The following PDE4D variants were observed in gnomAD, a reference collection of about 807,000 sequenced individuals.
PDE4D encodes the protein phosphodiesterase 4D.
Under a neutral mutation model 87.4 loss-of-function variants are expected in PDE4D, and 24 were observed. That is an observed-to-expected ratio of 0.27 (90% confidence interval 0.20 to 0.39). PDE4D has a LOEUF of 0.39. Among genes scored for constraint, PDE4D ranks in the 10% least tolerant of loss-of-function variants. The pLI is 1.00. For missense variants in PDE4D, 714 were observed against 1,041.0 expected (o/e 0.69, Z 4.32); for synonymous variants, 384 against 383.2 (o/e 1.00, Z -0.02).
chr5:59,945,764 T>C (rs1337795474), intron 3 of PDE4D, among the ~76,000 whole-genome samples: 2 of 152,180 alleles, frequency 1.3e-5, no homozygotes, highest in African/African-American at 4.8e-5. Context: ...AAAGGTGACA[T>C]TGGAAAATGC....
At chr5:59,061,828 G>C in intron 5 of PDE4D, among the ~76,000 whole-genome samples, 1 of 152,220 alleles carries the variant, frequency 6.6e-6, no homozygotes, top group African/African-American at 2.4e-5. Context: ...TCAATTATCT[G>C]TTCACAGCAG....
At chr5:59,366,773 GA>G (rs201124491) in intron 1 of PDE4D, among the ~76,000 whole-genome samples, 4,104 of 152,098 alleles carry the variant, frequency 0.027, 106 homozygotes, top group Admixed American at 0.074. Flanking sequence ...TTCTATAAAT[GA>G]AAAAAATTCA....
At chr5:60,404,161 C>CTTTTTTTTTTTTTTTTTTTTTTTT in intron 1 of PDE4D, among the ~76,000 whole-genome samples, 1 of 119,396 alleles carries the variant, frequency 8.4e-6, no homozygotes, top group Non-Finnish European at 1.7e-5. Flanking sequence ...TCAGCCAATT[C>CTTTTTTTTTTTTTTTTTTTTTTTT]TTTTTTTTTT....
At chr5:60,120,834 A>AT (rs1396686864) in intron 2 of PDE4D, among the ~76,000 whole-genome samples, 1 of 152,086 alleles carries the variant, frequency 6.6e-6, no homozygotes, top group Non-Finnish European at 1.5e-5. Context: ...ACTTGATTAG[A>AT]TTGAAGGATG....
At chr5:59,080,358 C>A (rs954823598) in intron 5 of PDE4D, among the ~76,000 whole-genome samples, 3 of 152,170 alleles carry the variant, frequency 2.0e-5, no homozygotes, top group Admixed American at 6.5e-5. Flanking sequence ...AACAGTCCCA[C>A]GAAGAATCGT....
intron 2 of PDE4D, among the ~76,000 whole-genome samples, chr5:60,110,829 A>T (rs1777600000): frequency 6.6e-6 from 1 of 152,148 alleles, no homozygotes; most frequent in Non-Finnish European, 1.5e-5. Context: ...CCACAAAAAG[A>T]TAATGAAATC....
intron 6 of PDE4D, among the ~76,000 whole-genome samples, chr5:59,031,415 T>TATATAA (rs1757472591): frequency 2.1e-5 from 2 of 93,536 alleles, no homozygotes; most frequent in African/African-American, 8.0e-5. Flanking sequence ...TATATATATA[T>TATATAA]AGATTATACA....
intron 3 of PDE4D, among the ~76,000 whole-genome samples, chr5:59,935,502 C>T (rs1016575056): frequency 2.6e-5 from 4 of 152,000 alleles, no homozygotes; most frequent in Non-Finnish European, 4.4e-5. Context: ...AGAAATGAAC[C>T]GAAGCATTTT....
intron 1 of PDE4D, among the ~76,000 whole-genome samples, chr5:59,413,462 A>C (rs1489314275): frequency 6.7e-6 from 1 of 149,210 alleles, no homozygotes; most frequent in Non-Finnish European, 1.5e-5. Flanking sequence ...CATCTCAAAA[A>C]AAAAAAAAAA....
chr5:60,250,523 C>T (rs894714930), intron 1 of PDE4D, among the ~76,000 whole-genome samples: 2 of 151,956 alleles, frequency 1.3e-5, no homozygotes, highest in Non-Finnish European at 2.9e-5. Flanking sequence ...CCACATACTA[C>T]AGTGGTCCCA....
intron 6 of PDE4D, among the ~76,000 whole-genome samples, chr5:59,023,467 CAAAA>C (rs3060391): frequency 2.3e-5 from 3 of 128,598 alleles, no homozygotes; most frequent in Non-Finnish European, 3.4e-5. Context: ...CCTGTCTCTA[CAAAA>C]AAAAAAAAAA....
intron 1 of PDE4D, among the ~76,000 whole-genome samples, chr5:60,234,454 T>C (rs1035441321): frequency 1.3e-5 from 2 of 151,796 alleles, no homozygotes; most frequent in Non-Finnish European, 2.9e-5. Context: ...CTTGGATATA[T>C]ACTAGGGAGT....
At chr5:59,104,481 A>T (rs1379831616) in intron 5 of PDE4D, among the ~76,000 whole-genome samples, 2 of 152,182 alleles carry the variant, frequency 1.3e-5, no homozygotes. Flanking sequence ...AAGCTCTCCT[A>T]TTTATTTCCA....
At chr5:60,137,141 C>T (rs1390173608) in intron 2 of PDE4D, among the ~76,000 whole-genome samples, 1 of 152,170 alleles carries the variant, frequency 6.6e-6, no homozygotes, top group African/African-American at 2.4e-5. Context: ...GACAGGATCT[C>T]ATTCTTTATT....
At chr5:59,743,960 T>C (rs897973178) in intron 1 of PDE4D, among the ~76,000 whole-genome samples, 8 of 152,108 alleles carry the variant, frequency 5.3e-5, no homozygotes, top group African/African-American at 7.2e-5. Flanking sequence ...GACAGATCGA[T>C]AGATAGATAC....
chr5:60,037,432 T>G (rs1767937019), intron 2 of PDE4D, among the ~76,000 whole-genome samples: 1 of 152,226 alleles, frequency 6.6e-6, no homozygotes, highest in Admixed American at 6.5e-5. Flanking sequence ...TAAAAGATTA[T>G]TTCATTAATT....
chr5:60,038,505 C>A (rs2152865619), intron 2 of PDE4D, among the ~76,000 whole-genome samples: 2 of 152,106 alleles, frequency 1.3e-5, no homozygotes, highest in Middle Eastern at 6.8e-3. Flanking sequence ...GGTACCAGTA[C>A]CATGCTGTTT....
intron 3 of PDE4D, among the ~76,000 whole-genome samples, chr5:59,192,732 G>A (rs1222611299): frequency 2.0e-5 from 3 of 152,038 alleles, no homozygotes; most frequent in Non-Finnish European, 4.4e-5. Flanking sequence ...ATCTCATTCC[G>A]CCCTTAGTTG....
intron 3 of PDE4D, among the ~76,000 whole-genome samples, chr5:59,942,604 C>T (rs1348046526): frequency 6.6e-6 from 1 of 152,098 alleles, no homozygotes; most frequent in Non-Finnish European, 1.5e-5. Context: ...GAAGAACACA[C>T]TTCAAATTGT....
Sources: gnomAD v4.1 joint callset for allele counts (sites outside exome capture counted in the v4.1 genomes callset) on GRCh38, gnomAD v4.1.1 for gene constraint, MANE v1.5 for transcripts, NCBI Gene and HGNC (gene_info 2026-07-23, HGNC 2026-07-21) for gene names.